CDK13: variants seen among roughly 807,000 people sequenced by gnomAD.
CDK13 encodes the protein cyclin dependent kinase 13.
Under a neutral mutation model 137.6 loss-of-function variants are expected in CDK13, and 40 were observed. The observed-to-expected ratio is 0.29, with a 90% CI of 0.23 to 0.38. The LOEUF (loss-of-function observed/expected upper bound fraction) is 0.38, where lower values mean the gene tolerates loss of function less well. Among genes scored for constraint, CDK13 ranks in the 10% least tolerant of loss-of-function variants. The pLI is 1.00. For missense variants in CDK13, 1,704 were observed against 1,951.8 expected (o/e 0.87, Z 2.39); for synonymous variants, 869 against 760.1 (o/e 1.14, Z -2.36).
intron 11 of CDK13, among the ~76,000 whole-genome samples, chr7:40,086,707 T>C (rs1189298650): frequency 6.6e-6 from 1 of 152,120 alleles, no homozygotes; most frequent in Non-Finnish European, 1.5e-5. Context: ...AACTCGTCTG[T>C]AGCATCAGTT....
In CDK13 at chr7:40,093,210, C is replaced by A; in HGVS notation, c.3661C>A (p.Pro1221Thr). The part of the protein sequence containing the change: ...GHEASLQLRP[P>T]PEPSTPVSGQ... ...TGAAGCGTCATTACAACTCAGGCCA[C>A]CTCCAGAACCTAGCACTCCGGTGTC... Residue 1221 changes from proline (P) to threonine (T), a missense_variant, in exon 13 of 14, where the codon CCT becomes ACT. By Grantham distance (38) the Pro-to-Thr change is conservative. Coordinates refer to ENST00000181839, the MANE Select transcript of CDK13 (RefSeq NM_003718.5). The A allele has an allele frequency of 6.2e-7, 1 of 1,613,318 alleles. No homozygotes were observed. The highest frequency in any genetic ancestry group is 8.5e-7 in the Non-Finnish European group (1 of 1,179,706).
intron 10 of CDK13, 68 bp downstream of exon 10, chr7:40,078,189 T>C (rs1043066296): frequency 2.8e-5 from 22 of 779,904 alleles, no homozygotes; most frequent in Non-Finnish European, 4.6e-5. Context: ...GAATTATAAA[T>C]GTTAGTCTAT....
intron 5 of CDK13, among the ~76,000 whole-genome samples, chr7:40,036,201 T>C (rs531616168): frequency 1.6e-5 from 2 of 123,218 alleles, no homozygotes; most frequent in East Asian, 2.4e-4. Context: ...CACACACATA[T>C]AAAACCTTGA....
At chr7:40,064,709 CTT>C (rs1786238108) in intron 9 of CDK13, among the ~76,000 whole-genome samples, 1 of 151,278 alleles carries the variant, frequency 6.6e-6, no homozygotes, top group African/African-American at 2.4e-5. Flanking sequence ...AGTTGCCTCA[CTT>C]TTAATAACAT....
chr7:39,969,632 G>A (rs141366517), intron 1 of CDK13, among the ~76,000 whole-genome samples: 2 of 152,082 alleles, frequency 1.3e-5, no homozygotes, highest in African/African-American at 4.8e-5. Flanking sequence ...AGTCAGTAGA[G>A]TATGGGATTC....
At chr7:40,058,591 A>G (rs1285732057) in intron 7 of CDK13, among the ~76,000 whole-genome samples, 36 of 151,878 alleles carry the variant, frequency 2.4e-4, no homozygotes, top group Non-Finnish European at 4.3e-4. Context: ...GGGGGGTGCA[A>G]TTAGAGATGG....
intron 9 of CDK13, among the ~76,000 whole-genome samples, chr7:40,075,284 A>C (rs1368671415): frequency 6.6e-6 from 1 of 152,188 alleles, no homozygotes; most frequent in Non-Finnish European, 1.5e-5. Context: ...ACTGGCCACC[A>C]GGCACAGATT....
intron 5 of CDK13, among the ~76,000 whole-genome samples, chr7:40,029,464 G>A (rs377685016): frequency 3.3e-5 from 5 of 151,526 alleles, no homozygotes; most frequent in Non-Finnish European, 5.9e-5. Flanking sequence ...GCTCACCCCC[G>A]TAATCCCAGC....
At chr7:40,003,826 A>G (rs1784744186) in intron 5 of CDK13, among the ~76,000 whole-genome samples, 1 of 152,146 alleles carries the variant, frequency 6.6e-6, no homozygotes, top group African/African-American at 2.4e-5. Flanking sequence ...TCACACATGC[A>G]CGCATGCACA....
intron 9 of CDK13, among the ~76,000 whole-genome samples, chr7:40,068,706 A>AG (rs1206387735): frequency 5.4e-4 from 56 of 103,500 alleles, no homozygotes; most frequent in African/African-American, 2.7e-3. Flanking sequence ...ACTATGTCTC[A>AG]GAAAAAAAAA....
intron 5 of CDK13, among the ~76,000 whole-genome samples, chr7:40,008,815 T>C (rs1409914599): frequency 2.6e-5 from 4 of 152,216 alleles, no homozygotes; most frequent in African/African-American, 9.6e-5. Context: ...CTTTATCATG[T>C]TATTCATTAT....
intron 9 of CDK13, chr7:40,069,488 A>T: frequency 6.1e-6 from 2 of 326,510 alleles, no homozygotes; most frequent in South Asian, 5.1e-5. Flanking sequence ...TCAAAAGTAA[A>T]AGAGGACTGA....
At position 39,950,463 on chromosome 7, in the gene CDK13, A is replaced by C. The variant is rs1780746219; in HGVS notation, c.-179A>C. Reference sequence around the variant, plus strand: ...GGGCCCGGAGGCTGCTGCGTACCCCACTGTGACCTGGAACCCAGGGACCCG... The same window carrying C: ...GGGCCCGGAGGCTGCTGCGTACCCCCCTGTGACCTGGAACCCAGGGACCCG... On this transcript the variant is annotated 5_prime_UTR_variant, in exon 1 of 14. Coordinates refer to ENST00000181839, the MANE Select transcript of CDK13 (RefSeq NM_003718.5). The C allele has an allele frequency of 3.2e-6, 4 of 1,253,532 alleles. No homozygotes were observed. Among genetic ancestry groups the C allele is most frequent in the Non-Finnish European group, 3.0e-6 (3 of 1,000,208 alleles). 77.7% of individuals were successfully genotyped at this position (1,253,532 alleles called of 1,614,324 possible). A position where few individuals can be genotyped will look rare whatever the true frequency, so the allele number is the denominator to read the frequency against.
rs780925084 is a variant in CDK13, at chr7:39,951,711, G to C, written c.1070G>C (p.Arg357Pro). The C allele has an allele frequency of 2.0e-6, 3 of 1,471,252 alleles. No individual in the cohort carries two copies. Among genetic ancestry groups the C allele is most frequent in the Admixed American group, 2.5e-5 (1 of 39,286 alleles). The allele number at this position is 1,471,252 out of a possible 1,614,324, so 91.1% of individuals were successfully genotyped here. A position where few individuals can be genotyped will look rare whatever the true frequency, so the allele number is the denominator to read the frequency against. Residue 357 changes from arginine to proline, a missense_variant, in exon 1 of 14, where the codon CGC becomes CCC. Around this residue, in one of 5 missense-constraint regions of CDK13, gnomAD observed 1,051 missense variants for 931.0 expected, o/e 1.13. Coordinates refer to ENST00000181839, the MANE Select transcript of CDK13 (RefSeq NM_003718.5). The part of the protein sequence containing the change: ...GSSPYSRRLP[R>P]SPSPYSRRRS... ...AGCCCCTATTCTCGGCGGCTGCCGC[G>C]CTCCCCGAGCCCCTACAGTCGCCGC...
Position 40,097,421 on chromosome 7 carries a change from TATG to T in CDK13, c.*2444_*2446del, listed in dbSNP as rs1396179545. 4.6e-5 allele frequency: 7 copies of T among 152,078 alleles called. No individual in the cohort carries two copies. Among genetic ancestry groups the T allele is most frequent in the Non-Finnish European group, 8.8e-5 (6 of 67,972 alleles). The allele number at this position is 152,078 out of a possible 1,614,324, so 9.4% of individuals were successfully genotyped here. On this transcript the variant is annotated 3_prime_UTR_variant, in exon 14 of 14. Coordinates refer to ENST00000181839, the MANE Select transcript of CDK13 (RefSeq NM_003718.5). The stretch of plus-strand genomic sequence containing the variant: ...AAAATATGTCTTATAATTGATGAAA[TATG>T]ATAGTAAAAAATTTTAATGCTTCCC...
intron 7 of CDK13, among the ~76,000 whole-genome samples, chr7:40,049,471 T>A (rs931304150): frequency 6.6e-6 from 1 of 151,998 alleles, no homozygotes; most frequent in Non-Finnish European, 1.5e-5. Flanking sequence ...CATTTTGCAT[T>A]TGAGCGAATT....
At chr7:40,069,621 G>A (rs1348142429) in intron 9 of CDK13, 5 of 213,210 alleles carry the variant, frequency 2.3e-5, no homozygotes, top group Non-Finnish European at 3.9e-5. Context: ...CCTAGTGTCA[G>A]TATAGTACAG....
At chr7:40,088,516 T>C (rs1167403303) in intron 12 of CDK13, among the ~76,000 whole-genome samples, 185 bp downstream of exon 12, 1 of 152,214 alleles carries the variant, frequency 6.6e-6, no homozygotes, top group Admixed American at 6.5e-5. Context: ...TTAAGTAATC[T>C]TAAGGTAACT....
At position 39,951,034 on chromosome 7, in the gene CDK13, T is replaced by C. The variant is rs973454935; in HGVS notation, c.393T>C (p.Gly131=). The change falls in exon 1 of 14, where the codon GGT becomes GGC. Residue 131 remains glycine (G), a synonymous_variant. Coordinates refer to ENST00000181839, the MANE Select transcript of CDK13 (RefSeq NM_003718.5). ...TGCCCCAGCCGCAGCAGGACGGCGGTGGCGGTGCTAGTAGCGGCGGGGGTG... is the reference window on the plus strand; with the variant it reads ...TGCCCCAGCCGCAGCAGGACGGCGGCGGCGGTGCTAGTAGCGGCGGGGGTG... The part of the protein sequence containing the change: ...FSLPQPQQDG[G]GGASSGGGVT... The C allele has an allele frequency of 4.6e-5, 59 of 1,292,916 alleles. No homozygotes were observed. The highest frequency in any genetic ancestry group is 5.6e-5 in the Non-Finnish European group (57 of 1,022,768). 80.1% of individuals were successfully genotyped at this position (1,292,916 alleles called of 1,614,324 possible).
Sources: gnomAD v4.1 joint callset for allele counts (sites outside exome capture counted in the v4.1 genomes callset) on GRCh38, gnomAD v4.1.1 for gene constraint, gnomAD v4.1.1 regional missense constraint, MANE v1.5 for transcripts, NCBI Gene and HGNC (gene_info 2026-07-23, HGNC 2026-07-21) for gene names.